CNRIP1: variants seen among roughly 807,000 people sequenced by gnomAD.
The protein encoded by CNRIP1 is CB1 cannabinoid receptor-interacting protein 1.
In CNRIP1, 10 loss-of-function variants were observed where a neutral mutation model predicts 15.2. The observed-to-expected ratio is 0.66, with a 90% CI of 0.41 to 1.12. The LOEUF is 1.12. Among genes scored for constraint, CNRIP1 ranks in the 50% most tolerant of loss-of-function variants. The pLI is 0.00. For missense variants in CNRIP1, 211 were observed against 214.7 expected (o/e 0.98, Z 0.11); for synonymous variants, 91 against 83.2 (o/e 1.09, Z -0.51).
Position 68,293,020 on chromosome 2 carries a change from C to T in CNRIP1, c.*842G>A, listed in dbSNP as rs6759926. 5,845 of 985,332 alleles carry T rather than the reference C, an allele frequency of 5.9e-3. 224 individuals are homozygous for T. The African/African-American group carries it at 0.089, about 15-fold the overall frequency. The allele number at this position is 985,332 out of a possible 1,614,324, so 61.0% of individuals were successfully genotyped here. The stretch of plus-strand genomic sequence containing the variant: ...ATGCAAGTCAGGGCATGATTTTCAA[C>T]GCCTTTATTAAGAAATATCAAAAGT... On this transcript the variant is annotated 3_prime_UTR_variant, in exon 3 of 3. Coordinates refer to ENST00000263655, the MANE Select transcript of CNRIP1 (RefSeq NM_015463.3).
intron 2 of CNRIP1, among the ~76,000 whole-genome samples, chr2:68,301,190 TGA>T (rs1457155581): frequency 2.0e-5 from 3 of 152,252 alleles, no homozygotes; most frequent in Non-Finnish European, 4.4e-5. Flanking sequence ...CAATATATAC[TGA>T]GAATAATATA....
At chr2:68,289,815 G>A (rs191677652), downstream of CNRIP1, among the ~76,000 whole-genome samples, 4 of 152,014 alleles carry the variant, frequency 2.6e-5, no homozygotes, top group Non-Finnish European at 5.9e-5. Flanking sequence ...ACCAAATAAT[G>A]ATATTATGTG....
chr2:68,298,274 C>A (rs1671462616), intron 2 of CNRIP1, among the ~76,000 whole-genome samples: 1 of 151,824 alleles, frequency 6.6e-6, no homozygotes, highest in African/African-American at 2.4e-5. Context: ...ATTTTAATTC[C>A]AAATTATAAA....
rs577495423 is a variant in CNRIP1, at chr2:68,301,840, C to T, written c.331-7814G>A. On this transcript the variant is annotated intron_variant, in intron 2 of 2. Coordinates refer to ENST00000263655, the MANE Select transcript of CNRIP1 (RefSeq NM_015463.3). ...CCGGGAGGCGGAGCTTGCAGTGAGC[C>T]GAGTTTGCGCCACTGCACTCCAGAG... 5.2e-5 allele frequency among the ~76,000 whole-genome samples: 7 copies of T among 133,912 alleles called. No individual in the cohort carries two copies. The South Asian group carries it at 7.2e-4, about 14-fold the overall frequency. The allele number at this position is 133,912 out of a possible 152,430, so 87.9% of individuals were successfully genotyped here. A position where few individuals can be genotyped will look rare whatever the true frequency, so the allele number is the denominator to read the frequency against.
At chr2:68,307,176 G>A (rs1055832859) in intron 2 of CNRIP1, among the ~76,000 whole-genome samples, 3 of 152,018 alleles carry the variant, frequency 2.0e-5, no homozygotes, top group African/African-American at 7.2e-5. Context: ...TTGTCAAAAT[G>A]TTATACAATT....
intron 2 of CNRIP1, among the ~76,000 whole-genome samples, chr2:68,304,055 C>T (rs907514518): frequency 6.7e-6 from 1 of 150,094 alleles, no homozygotes; most frequent in Non-Finnish European, 1.5e-5. Context: ...CCAGACTGGG[C>T]GACAGAGCAA....
chr2:68,297,759 G>T (rs975214698), intron 2 of CNRIP1, among the ~76,000 whole-genome samples: 13 of 152,206 alleles, frequency 8.5e-5, no homozygotes, highest in Middle Eastern at 3.4e-3. Flanking sequence ...GAAAATGGTG[G>T]CATATCCATA....
chr2:68,300,039 T>C (rs1671545739), intron 2 of CNRIP1, among the ~76,000 whole-genome samples: 1 of 152,256 alleles, frequency 6.6e-6, no homozygotes, highest in South Asian at 2.1e-4. Context: ...TGGTGTGACC[T>C]ATCAATTTCC....
chr2:68,310,698 A>C lies in CNRIP1; in HGVS notation c.330+6459T>G, dbSNP rs181179807. On this transcript the variant is annotated intron_variant, in intron 2 of 2. Coordinates refer to ENST00000263655, the MANE Select transcript of CNRIP1 (RefSeq NM_015463.3). ...TACGAGACATGTAATGAAACATGAA[A>C]GTGTGACCCATATTAAAAAAAAAAA... Among the ~76,000 whole-genome samples, 177 of 128,566 alleles carry C rather than the reference A, an allele frequency of 1.4e-3. 1 individual carries two copies. The highest frequency in any genetic ancestry group is 5.0e-3 in the African/African-American group (172 of 34,106). The allele number at this position is 128,566 out of a possible 152,430, so 84.3% of individuals were successfully genotyped here.
intron 2 of CNRIP1, among the ~76,000 whole-genome samples, chr2:68,311,548 C>T (rs1260704613): frequency 3.3e-5 from 5 of 151,950 alleles, no homozygotes; most frequent in South Asian, 4.2e-4. Context: ...ACAAGGTGGG[C>T]GGATCTTGTG....
chr2:68,292,555 A>G (rs1010737983), downstream of CNRIP1, among the ~76,000 whole-genome samples: 3 of 152,206 alleles, frequency 2.0e-5, no homozygotes, highest in Non-Finnish European at 2.9e-5. Flanking sequence ...ACATTATTGG[A>G]AAATAGCATG....
intron 2 of CNRIP1, among the ~76,000 whole-genome samples, chr2:68,307,085 C>T (rs187110528): frequency 2.1e-4 from 32 of 152,212 alleles, no homozygotes; most frequent in Middle Eastern, 3.4e-3. Context: ...TTCACATATA[C>T]GTATTTTACA....
downstream of CNRIP1, among the ~76,000 whole-genome samples, chr2:68,290,762 T>G (rs993175339): frequency 6.6e-6 from 1 of 152,218 alleles, no homozygotes; most frequent in Non-Finnish European, 1.5e-5. Flanking sequence ...ATCTTTATTT[T>G]TTGGCATGTT....
intron 2 of CNRIP1, among the ~76,000 whole-genome samples, chr2:68,299,456 T>C (rs1410560911): frequency 1.3e-5 from 2 of 152,134 alleles, no homozygotes; most frequent in Non-Finnish European, 2.9e-5. Context: ...ATAAGGTACA[T>C]GAGAAAGATG....
chr2:68,290,414 G>T (rs1466638902), downstream of CNRIP1, among the ~76,000 whole-genome samples: 1 of 151,970 alleles, frequency 6.6e-6, no homozygotes, highest in Non-Finnish European at 1.5e-5. Context: ...ATATCATTAG[G>T]CTTATCAATT....
chr2:68,319,146 G>T, intron 1 of CNRIP1, 76 bp downstream of exon 1: 1 of 1,395,180 alleles, frequency 7.2e-7, no homozygotes. Context: ...TGAGAGGCTC[G>T]GGCTGTCCTG....
At chr2:68,297,059 A>C (rs1386910340) in intron 2 of CNRIP1, among the ~76,000 whole-genome samples, 4 of 152,118 alleles carry the variant, frequency 2.6e-5, no homozygotes, top group Non-Finnish European at 5.9e-5. Flanking sequence ...GAACCACTGC[A>C]CCTAGCAGAT....
At position 68,311,026 on chromosome 2, in the gene CNRIP1, A is replaced by G. The variant is rs1190017307; in HGVS notation, c.330+6131T>C. 2.0e-5 allele frequency among the ~76,000 whole-genome samples: 3 copies of G among 152,314 alleles called. No homozygotes were observed. The East Asian group carries it at 5.8e-4, about 29-fold the overall frequency. ...ATTAAAAAAAGAAAGAAAATTGAACATGTCCTCAAAGACTTATGGGATAAT... is the reference window on the plus strand; with the variant it reads ...ATTAAAAAAAGAAAGAAAATTGAACGTGTCCTCAAAGACTTATGGGATAAT... On this transcript the variant is annotated intron_variant, in intron 2 of 2. Coordinates refer to ENST00000263655, the MANE Select transcript of CNRIP1 (RefSeq NM_015463.3).
chr2:68,284,427 C>G, exon 3 of CNRIP1: 1 of 1,514,098 alleles, frequency 6.6e-7, no homozygotes. Flanking sequence ...GAAGAATGTG[C>G]TTATTCTTCA....
Sources: allele counts gnomAD v4.1 joint callset (sites outside exome capture counted in the v4.1 genomes callset), GRCh38; gene constraint gnomAD v4.1.1; transcripts MANE v1.5; gene names NCBI Gene and HGNC (gene_info 2026-07-23, HGNC 2026-07-21).